Variants in SLC16A12 observed in about 807,000 individuals in gnomAD.
The protein encoded by SLC16A12 is monocarboxylate transporter 12.
A neutral mutation model predicts 42.4 loss-of-function variants in SLC16A12; 17 were observed. That is an observed-to-expected ratio of 0.40 (90% CI 0.27 to 0.60). SLC16A12 has a LOEUF of 0.60. Ranked by LOEUF, SLC16A12 falls within the 20% of genes least tolerant of loss-of-function variation. The pLI, the probability that SLC16A12 is intolerant of heterozygous loss-of-function variation, is 0.42. For missense variants in SLC16A12, 544 were observed against 623.0 expected (o/e 0.87, Z 1.35); for synonymous variants, 224 against 229.4 (o/e 0.98, Z 0.21).
chr10:89,539,855 A>ATTTTTCTTTCTTTCTTTCTTTCTTTC (rs1554833978), upstream of SLC16A12, among the ~76,000 whole-genome samples: 310 of 81,234 alleles, frequency 3.8e-3, 2 homozygotes, highest in African/African-American at 0.013. Context: ...CAAGAAACAA[A>ATTTTTCTTTCTTTCTTTCTTTCTTTC]TTTTTCTTTC....
At chr10:89,487,809 C>CAAAAA (rs71022569) in intron 2 of SLC16A12, among the ~76,000 whole-genome samples, 3 of 84,730 alleles carry the variant, frequency 3.5e-5, no homozygotes, top group South Asian at 5.6e-4. Context: ...GATTCTGTCT[C>CAAAAA]AAAAAAAAAA....
intron 2 of SLC16A12, among the ~76,000 whole-genome samples, chr10:89,499,589 T>C (rs2133819551): frequency 6.6e-6 from 1 of 152,270 alleles, no homozygotes. Context: ...ATTAAAAAGT[T>C]ATTTGAACTG....
intron 2 of SLC16A12, among the ~76,000 whole-genome samples, chr10:89,547,559 A>C (rs1843748669): frequency 1.3e-5 from 2 of 152,236 alleles, no homozygotes; most frequent in African/African-American, 4.8e-5. Context: ...TGGAACTATA[A>C]GTAGCCATGC....
intron 2 of SLC16A12, among the ~76,000 whole-genome samples, chr10:89,546,184 G>A (rs1415742541): frequency 6.6e-6 from 1 of 152,048 alleles, no homozygotes; most frequent in Non-Finnish European, 1.5e-5. Flanking sequence ...AGCCAAAATA[G>A]ACAAATGGGA....
At chr10:89,474,193 T>A (rs371216694) in intron 2 of SLC16A12, among the ~76,000 whole-genome samples, 75 of 152,316 alleles carry the variant, frequency 4.9e-4, no homozygotes, top group Middle Eastern at 3.4e-3. Flanking sequence ...TGTATGCCTT[T>A]CCTGGCACTT....
chr10:89,533,831 G>T (rs2133874604), intron 2 of SLC16A12, among the ~76,000 whole-genome samples: 1 of 142,686 alleles, frequency 7.0e-6, no homozygotes, highest in South Asian at 2.1e-4. Flanking sequence ...AATCCCATCA[G>T]TTAAAAAAAA....
intron 2 of SLC16A12, among the ~76,000 whole-genome samples, chr10:89,519,837 G>A (rs1456410046): frequency 2.6e-5 from 4 of 152,080 alleles, no homozygotes; most frequent in Admixed American, 6.5e-5. Context: ...TACAAAGGCC[G>A]GGTGCGGTGG....
intron 3 of SLC16A12, among the ~76,000 whole-genome samples, chr10:89,454,966 G>A (rs1296649476): frequency 6.6e-6 from 1 of 152,078 alleles, no homozygotes; most frequent in African/African-American, 2.4e-5. Context: ...AAGCCAGGAA[G>A]GAAGGAAAGG....
At chr10:89,484,038 C>T (rs904464633) in intron 2 of SLC16A12, among the ~76,000 whole-genome samples, 15 of 152,130 alleles carry the variant, frequency 9.9e-5, no homozygotes, top group African/African-American at 2.7e-4. Flanking sequence ...TAATCCCAGC[C>T]GCCTACTCAG....
intron 2 of SLC16A12, among the ~76,000 whole-genome samples, chr10:89,519,645 T>G (rs1284479105): frequency 2.0e-5 from 3 of 151,750 alleles, no homozygotes; most frequent in African/African-American, 7.3e-5. Context: ...CTTTATGAAC[T>G]AATAGGCAGG....
intron 2 of SLC16A12, among the ~76,000 whole-genome samples, chr10:89,524,715 T>C (rs1244216152): frequency 6.6e-6 from 1 of 152,180 alleles, no homozygotes; most frequent in Non-Finnish European, 1.5e-5. Flanking sequence ...GGGAAGTATC[T>C]TCCCCAGAAA....
intron 2 of SLC16A12, chr10:89,462,987 C>T (rs1842328208): frequency 1.1e-5 from 2 of 182,378 alleles, no homozygotes; most frequent in South Asian, 2.4e-4. Context: ...TGAGGACTTC[C>T]AGCACCCTCT....
chr10:89,452,537 T>A (rs570636660), intron 3 of SLC16A12, among the ~76,000 whole-genome samples: 1 of 152,356 alleles, frequency 6.6e-6, no homozygotes, highest in South Asian at 2.1e-4. Context: ...AGAAGCTTTC[T>A]ATTTTAGTAC....
chr10:89,436,804 GAGGAAGGAAGGA>G (rs72103752), intron 6 of SLC16A12, among the ~76,000 whole-genome samples: 14 of 131,376 alleles, frequency 1.1e-4, no homozygotes, highest in East Asian at 2.1e-4. Flanking sequence ...GAAAGGAAAG[GAGGAAGGAAGGA>G]AGGAAGGAAG....
intron 2 of SLC16A12, among the ~76,000 whole-genome samples, chr10:89,486,963 A>G (rs547651354): frequency 6.6e-6 from 1 of 152,392 alleles, no homozygotes; most frequent in East Asian, 1.9e-4. Context: ...CAAATCAACC[A>G]GTGAAGTCAA....
intron 3 of SLC16A12, among the ~76,000 whole-genome samples, chr10:89,458,546 A>C (rs1842238123): frequency 6.6e-6 from 1 of 152,210 alleles, no homozygotes; most frequent in Admixed American, 6.5e-5. Context: ...AGTGACAGGC[A>C]TTCTACCACC....
chr10:89,547,610 T>C (rs1451643309), intron 2 of SLC16A12, among the ~76,000 whole-genome samples: 1 of 152,176 alleles, frequency 6.6e-6, no homozygotes, highest in Non-Finnish European at 1.5e-5. Context: ...TACAACCTTA[T>C]AATAAGAAAA....
At chr10:89,437,613 T>C (rs2133684574) in intron 6 of SLC16A12, among the ~76,000 whole-genome samples, 1 of 151,532 alleles carries the variant, frequency 6.6e-6, no homozygotes, top group Non-Finnish European at 1.5e-5. Context: ...AAATAGGTAA[T>C]CTTTGCTCTT....
At chr10:89,465,500 T>C (rs1006998734) in intron 2 of SLC16A12, among the ~76,000 whole-genome samples, 2 of 152,172 alleles carry the variant, frequency 1.3e-5, no homozygotes, top group African/African-American at 4.8e-5. Context: ...TCTAAAGGTG[T>C]CCTTAACACT....
Sources: allele counts gnomAD v4.1 joint callset (sites outside exome capture counted in the v4.1 genomes callset), GRCh38; gene constraint gnomAD v4.1.1; transcripts MANE v1.5; gene names NCBI Gene and HGNC (gene_info 2026-07-23, HGNC 2026-07-21).